Variants in MECOM observed in about 807,000 individuals in gnomAD.
The protein encoded by MECOM is MDS1 and EVI1 complex locus.
In MECOM, 13 loss-of-function variants were observed where a neutral mutation model predicts 116.3. The observed-to-expected ratio is 0.11, with a 90% confidence interval of 0.07 to 0.18. MECOM has a LOEUF of 0.18. MECOM is among the 10% of genes least tolerant of loss of function. The pLI, the probability that MECOM is intolerant of heterozygous loss-of-function variation, is 1.00. For synonymous variants in MECOM, 528 were observed against 535.2 expected (o/e 0.99, Z 0.19); for missense variants, 1,299 against 1,509.0 (o/e 0.86, Z 2.31).
At chr3:169,341,053 C>CAGGGTG (rs1490355674) in intron 2 of MECOM, among the ~76,000 whole-genome samples, 5 of 151,954 alleles carry the variant, frequency 3.3e-5, no homozygotes, top group African/African-American at 1.2e-4. Context: ...TGAACTAGAC[C>CAGGGTG]AGGGTGATAG....
chr3:169,597,231 CG>C (rs1222938534), intron 1 of MECOM, among the ~76,000 whole-genome samples: 8 of 152,090 alleles, frequency 5.3e-5, no homozygotes, highest in Non-Finnish European at 5.9e-5. Flanking sequence ...AATAAGGAGC[CG>C]GGTGGAGAGT....
intron 2 of MECOM, among the ~76,000 whole-genome samples, chr3:169,215,818 T>A (rs1215392594): frequency 6.6e-6 from 1 of 152,234 alleles, no homozygotes; most frequent in Non-Finnish European, 1.5e-5. Flanking sequence ...GAAGACAAAC[T>A]AGGGTCGTGC....
At chr3:169,175,317 A>G (rs78577304) in intron 2 of MECOM, among the ~76,000 whole-genome samples, 7,632 of 152,212 alleles carry the variant, frequency 0.05, 409 homozygotes, top group East Asian at 0.29. Flanking sequence ...TTGAGTGCCT[A>G]TATGACACCA....
intron 1 of MECOM, among the ~76,000 whole-genome samples, chr3:169,535,343 C>T (rs1172735187): frequency 6.6e-6 from 1 of 152,134 alleles, no homozygotes; most frequent in Non-Finnish European, 1.5e-5. Flanking sequence ...TGCTCCCATA[C>T]CATTTTTGAG....
chr3:169,209,577 T>G (rs1750433643), intron 2 of MECOM, among the ~76,000 whole-genome samples: 1 of 152,118 alleles, frequency 6.6e-6, no homozygotes, highest in South Asian at 2.1e-4. Context: ...ATAAGACATT[T>G]ATGTGGCTAA....
intron 1 of MECOM, among the ~76,000 whole-genome samples, chr3:169,466,334 G>A (rs1275450022): frequency 6.6e-6 from 1 of 152,218 alleles, no homozygotes; most frequent in Non-Finnish European, 1.5e-5. Context: ...AACATTGCCT[G>A]TGATGATGAC....
chr3:169,609,207 C>A (rs886928315), intron 1 of MECOM, among the ~76,000 whole-genome samples: 1 of 152,178 alleles, frequency 6.6e-6, no homozygotes, highest in Non-Finnish European at 1.5e-5. Flanking sequence ...AGATTCCAGG[C>A]TTGCTGGCTT....
At chr3:169,518,584 C>G (rs1437755427) in intron 1 of MECOM, among the ~76,000 whole-genome samples, 1 of 151,958 alleles carries the variant, frequency 6.6e-6, no homozygotes, top group African/African-American at 2.4e-5. Flanking sequence ...TTCACTTTAC[C>G]CCAGTTTTTT....
At chr3:169,102,313 G>C (rs1723860791) in intron 10 of MECOM, 87 bp from the exon 11 acceptor site, 1 of 1,297,144 alleles carries the variant, frequency 7.7e-7, no homozygotes. Flanking sequence ...TCATTAAAAG[G>C]GAAGCATGAA....
intron 1 of MECOM, among the ~76,000 whole-genome samples, chr3:169,584,558 C>T (rs1287803934): frequency 9.7e-6 from 1 of 103,570 alleles, no homozygotes; most frequent in Admixed American, 1.1e-4. Context: ...GAGCGAAACT[C>T]CACCTCAAAA....
chr3:169,326,849 A>G (rs1721911155), intron 2 of MECOM, among the ~76,000 whole-genome samples: 1 of 152,304 alleles, frequency 6.6e-6, no homozygotes, highest in South Asian at 2.1e-4. Context: ...GTTTAATACT[A>G]TTATCATCAA....
At chr3:169,437,464 C>T (rs1742848519) in intron 1 of MECOM, among the ~76,000 whole-genome samples, 1 of 152,136 alleles carries the variant, frequency 6.6e-6, no homozygotes, top group South Asian at 2.1e-4. Context: ...CAAACCGGAT[C>T]CCATGATAGA....
intron 1 of MECOM, among the ~76,000 whole-genome samples, chr3:169,445,087 T>C (rs774821664): frequency 1.3e-5 from 2 of 152,158 alleles, no homozygotes; most frequent in Non-Finnish European, 2.9e-5. Context: ...AGCATAAAAG[T>C]TCAGAAAATT....
At chr3:169,087,609 A>G (rs1485955791) in intron 16 of MECOM, among the ~76,000 whole-genome samples, 1 of 152,120 alleles carries the variant, frequency 6.6e-6, no homozygotes, top group African/African-American at 2.4e-5. Flanking sequence ...AAACAAAGAA[A>G]CAAGTAACAA....
intron 1 of MECOM, among the ~76,000 whole-genome samples, chr3:169,487,694 A>G (rs1248760544): frequency 6.6e-6 from 1 of 151,874 alleles, no homozygotes; most frequent in African/African-American, 2.4e-5. Flanking sequence ...CACAATAGAT[A>G]TACATAGCCT....
Position 169,107,911 on chromosome 3 carries a change from A to ACCC in MECOM, c.2604+14_2604+15insGGG. The ACCC allele has an allele frequency of 6.2e-7, 1 of 1,609,472 alleles. No individual in the cohort carries two copies. The highest frequency in any genetic ancestry group is 8.5e-7 in the Non-Finnish European group (1 of 1,177,510). On this transcript the variant is annotated intron_variant, in intron 10 of 16. Coordinates refer to ENST00000651503, the MANE Select transcript of MECOM (RefSeq NM_004991.4). ...GCTACATCACTTTAGTCAAAAATAT[A>ACCC]AGTAGGAAACTTACCCAAGTTCTCT...
chr3:169,167,685 G>A (rs1399877757), intron 2 of MECOM, among the ~76,000 whole-genome samples: 5 of 152,072 alleles, frequency 3.3e-5, no homozygotes, highest in African/African-American at 1.2e-4. Context: ...TTACAGATAT[G>A]TGATCTATAC....
At chr3:169,447,068 C>T (rs1396003283) in intron 1 of MECOM, among the ~76,000 whole-genome samples, 2 of 152,028 alleles carry the variant, frequency 1.3e-5, no homozygotes, top group Non-Finnish European at 2.9e-5. Flanking sequence ...TGAAATCCAA[C>T]TCCTTCATTT....
At chr3:169,596,136 T>C (rs1260598299) in intron 1 of MECOM, among the ~76,000 whole-genome samples, 2 of 152,228 alleles carry the variant, frequency 1.3e-5, no homozygotes, top group Non-Finnish European at 2.9e-5. Context: ...TCAAAAGGTG[T>C]AGTTTATTTA....
Sources: gnomAD v4.1 joint callset for allele counts (sites outside exome capture counted in the v4.1 genomes callset) on GRCh38, gnomAD v4.1.1 for gene constraint, MANE v1.5 for transcripts, NCBI Gene and HGNC (gene_info 2026-07-23, HGNC 2026-07-21) for gene names.